Variants in ZFYVE9 observed in about 807,000 individuals in gnomAD.
ZFYVE9 encodes the protein zinc finger FYVE-type containing 9, also known as zinc finger FYVE domain-containing protein 9.
A neutral mutation model predicts 126.7 loss-of-function variants in ZFYVE9; 43 were observed. That is an observed-to-expected ratio of 0.34 (90% CI 0.27 to 0.44). The LOEUF (loss-of-function observed/expected upper bound fraction) is 0.44. ZFYVE9 is among the 20% of genes least tolerant of loss of function. The pLI is 1.00. For synonymous variants in ZFYVE9, 521 were observed against 597.4 expected (o/e 0.87, Z 1.87); for missense variants, 1,476 against 1,697.0 (o/e 0.87, Z 2.29).
chr1:52,340,098 T>C, intron 16 of ZFYVE9, 28 bp from the exon 17 acceptor site: 1 of 1,582,164 alleles, frequency 6.3e-7, no homozygotes. Flanking sequence ...CAAGAGCTGC[T>C]TCTATCTTTC....
chr1:52,160,438 G>A (rs1557429959), intron 1 of ZFYVE9: 12 of 910,294 alleles, frequency 1.3e-5, no homozygotes, highest in Non-Finnish European at 2.2e-5. Flanking sequence ...CAAAGGCAGT[G>A]CCTTTCTATG....
chr1:52,281,214 G>A (rs1569662092), intron 9 of ZFYVE9, among the ~76,000 whole-genome samples: 1 of 149,432 alleles, frequency 6.7e-6, no homozygotes, highest in African/African-American at 2.5e-5. Flanking sequence ...CTCACTGCAA[G>A]CTCCACCTCC....
intron 1 of ZFYVE9, among the ~76,000 whole-genome samples, chr1:52,171,597 C>T (rs1209026062): frequency 1.3e-5 from 2 of 152,134 alleles, no homozygotes; most frequent in African/African-American, 4.8e-5. Flanking sequence ...AATGGTTGAA[C>T]TAGTTTACAG....
rs187414683 is a variant in ZFYVE9 at position 52,311,465 on chromosome 1, A to G, written c.3438+7540A>G. On this transcript the variant is annotated intron_variant, in intron 13 of 18. Transcript: ENST00000287727. ...TTTTTGGTAGAGACAGGGTTTCACC[A>G]TGTTGGCCAGGCTGGTCTCAAACTC... Among the ~76,000 whole-genome samples the G allele has an allele frequency of 2.5e-3, 373 of 152,048 alleles. 1 individual carries two copies. The highest frequency in any genetic ancestry group is 4.1e-3 in the Admixed American group (63 of 15,262).
chr1:52,144,317 C>CAA (rs200181481), intron 1 of ZFYVE9, among the ~76,000 whole-genome samples: 1 of 143,936 alleles, frequency 6.9e-6, no homozygotes, highest in Non-Finnish European at 1.5e-5. Context: ...GACTCCATCT[C>CAA]AAAAAAAAAA....
chr1:52,266,801 G>A lies in ZFYVE9; in HGVS notation c.2425G>A (p.Val809Met). 1.2e-6 allele frequency: 2 copies of A among 1,606,670 alleles called. No homozygotes were observed. Among genetic ancestry groups the A allele is most frequent in the Non-Finnish European group, 1.7e-6 (2 of 1,177,210 alleles). The change falls in exon 6 of 19, where the codon GTG (valine) becomes ATG (methionine). Residue 809 changes from valine (V) to methionine (M), a missense_variant. Val to Met is a conservative substitution (Grantham distance 21). This residue lies in a region of ZFYVE9 where 669 missense variants were observed against 902.4 expected (regional missense o/e 0.74). Coordinates refer to ENST00000287727, the MANE Select transcript of ZFYVE9 (RefSeq NM_004799.4). ...SSPPPTVMVP[V>M]GVLKHPGAEV... ...TCCACCTCCCACTGTGATGGTACCT[G>A]TGGGAGTTTTAAAGCACCCTGGAGC...
chr1:52,295,339 G>GGTTT (rs144066928), intron 11 of ZFYVE9, among the ~76,000 whole-genome samples: 5,610 of 149,642 alleles, frequency 0.037, 168 homozygotes, highest in African/African-American at 0.074. Context: ...AGACCTTGTG[G>GGTTT]GTTTGTTTGT....
chr1:52,144,166 A>T (rs1039090467), intron 1 of ZFYVE9, among the ~76,000 whole-genome samples: 22 of 152,136 alleles, frequency 1.4e-4, no homozygotes, highest in African/African-American at 5.3e-4. Context: ...CTAAAAATAC[A>T]AAAATTAGCT....
intron 1 of ZFYVE9, among the ~76,000 whole-genome samples, chr1:52,167,162 C>G (rs1644521916): frequency 6.6e-6 from 1 of 152,170 alleles, no homozygotes; most frequent in African/African-American, 2.4e-5. Flanking sequence ...GTTTAGGCCT[C>G]TTGTTTCTAA....
intron 7 of ZFYVE9, among the ~76,000 whole-genome samples, chr1:52,270,795 GT>G (rs945154373): frequency 3.7e-4 from 52 of 139,408 alleles, no homozygotes; most frequent in African/African-American, 6.0e-4. Context: ...GTATTTGTCT[GT>G]TTTTTTTTTT....
At chr1:52,185,936 C>T (rs918939033) in intron 1 of ZFYVE9, among the ~76,000 whole-genome samples, 3 of 134,138 alleles carry the variant, frequency 2.2e-5, no homozygotes, top group Middle Eastern at 4.7e-3. Context: ...AAAAAAAAAG[C>T]TTTTGATAAA....
At chr1:52,188,235 G>GA (rs1644782948) in intron 1 of ZFYVE9, among the ~76,000 whole-genome samples, 1 of 152,078 alleles carries the variant, frequency 6.6e-6, no homozygotes, top group Admixed American at 6.5e-5. Context: ...AACAGAAACC[G>GA]TATACCACGT....
At chr1:52,228,888 T>C (rs1351116136) in intron 2 of ZFYVE9, among the ~76,000 whole-genome samples, 2 of 150,456 alleles carry the variant, frequency 1.3e-5, no homozygotes, top group Non-Finnish European at 2.9e-5. Flanking sequence ...GAATAATCTT[T>C]TTTCCTTTTT....
At chr1:52,164,099 GCAC>G (rs1002394124) in intron 1 of ZFYVE9, among the ~76,000 whole-genome samples, 1 of 150,076 alleles carries the variant, frequency 6.7e-6, no homozygotes, top group Admixed American at 6.7e-5. Context: ...CTATAGATGC[GCAC>G]CACCACACCT....
intron 1 of ZFYVE9, among the ~76,000 whole-genome samples, chr1:52,156,957 C>T (rs970620771): frequency 3.9e-5 from 6 of 151,998 alleles, no homozygotes; most frequent in Non-Finnish European, 7.4e-5. Context: ...CTCAGCCTCC[C>T]GAGTAGCTGG....
chr1:52,189,561 TG>T (rs973740540), intron 1 of ZFYVE9, among the ~76,000 whole-genome samples: 11 of 151,974 alleles, frequency 7.2e-5, no homozygotes, highest in Non-Finnish European at 1.2e-4. Flanking sequence ...TTAGTAGAGA[TG>T]GGGTTTTGCC....
At chr1:52,327,695 C>A (rs1402923281) in intron 13 of ZFYVE9, among the ~76,000 whole-genome samples, 6 of 151,910 alleles carry the variant, frequency 3.9e-5, no homozygotes, top group African/African-American at 1.5e-4. Flanking sequence ...GAAGGTAGGC[C>A]GGGCGCGATG....
chr1:52,272,477 A>G (rs948605565), intron 7 of ZFYVE9, among the ~76,000 whole-genome samples: 1 of 152,142 alleles, frequency 6.6e-6, no homozygotes, highest in Admixed American at 6.5e-5. Flanking sequence ...ATAGTATATA[A>G]TGTTTTGTGT....
intron 6 of ZFYVE9, among the ~76,000 whole-genome samples, chr1:52,268,036 C>T (rs1043228358): frequency 1.3e-5 from 2 of 152,188 alleles, no homozygotes; most frequent in Non-Finnish European, 2.9e-5. Context: ...AGTACCATAT[C>T]ACTTTACCAG....
Sources: allele counts gnomAD v4.1 joint callset (sites outside exome capture counted in the v4.1 genomes callset), GRCh38; gene constraint gnomAD v4.1.1; regional missense constraint gnomAD v4.1.1; transcripts MANE v1.5; gene names NCBI Gene and HGNC (gene_info 2026-07-23, HGNC 2026-07-21).